KAZN: variants seen among roughly 807,000 people sequenced by gnomAD.
KAZN encodes kazrin.
A neutral mutation model predicts 87.4 loss-of-function variants in KAZN; 40 were observed. That is an observed-to-expected ratio of 0.46 (90% CI 0.36 to 0.60). The LOEUF is 0.60. Among genes scored for constraint, KAZN ranks in the 20% least tolerant of loss-of-function variants. KAZN has a pLI of 0.00. For synonymous variants in KAZN, 466 were observed against 458.3 expected (o/e 1.02, Z -0.22); for missense variants, 898 against 1,073.9 (o/e 0.84, Z 2.29).
At chr1:14,845,114 T>C (rs1399793354) in intron 1 of KAZN, among the ~76,000 whole-genome samples, 2 of 151,538 alleles carry the variant, frequency 1.3e-5, no homozygotes, top group Non-Finnish European at 2.9e-5. Context: ...GCTGGATGGA[T>C]GGGTGAGTGG....
chr1:14,493,161 T>C (rs1448265972), intron 2 of KAZN, among the ~76,000 whole-genome samples: 1 of 151,040 alleles, frequency 6.6e-6, no homozygotes, highest in Non-Finnish European at 1.5e-5. Context: ...CTTGTTTTAT[T>C]CTGCCTCGGG....
intron 2 of KAZN, among the ~76,000 whole-genome samples, chr1:14,496,045 A>G: frequency 6.6e-6 from 1 of 152,120 alleles, no homozygotes; most frequent in Non-Finnish European, 1.5e-5. Flanking sequence ...AGTTTATTAG[A>G]CAGGATTTTT....
intron 2 of KAZN, among the ~76,000 whole-genome samples, chr1:14,453,801 A>T (rs1044523871): frequency 5.3e-5 from 8 of 152,028 alleles, no homozygotes; most frequent in African/African-American, 1.9e-4. Context: ...GCACCACTGC[A>T]CTCCAGCCTG....
rs184431220 is a variant in KAZN at position 14,352,590 on chromosome 1, C to T, written c.249+171998C>T. Among the ~76,000 whole-genome samples the T allele has an allele frequency of 3.3e-3, 510 of 152,244 alleles. 2 individuals carry two copies. The highest frequency in any genetic ancestry group is 0.012 in the African/African-American group (481 of 41,554). Reference sequence around the variant, plus strand: ...ACTTTTCACATATTATGACCAGAAACAATTTGCTCATATATTCTTTCATCC... The same window carrying T: ...ACTTTTCACATATTATGACCAGAAATAATTTGCTCATATATTCTTTCATCC... On this transcript the variant is annotated intron_variant, in intron 2 of 16. Coordinates refer to the KAZN transcript ENST00000636203.
At chr1:14,936,021 C>A (rs550297158) in intron 1 of KAZN, among the ~76,000 whole-genome samples, 1 of 152,358 alleles carries the variant, frequency 6.6e-6, no homozygotes, top group Non-Finnish European at 1.5e-5. Context: ...CCCTTGGGGA[C>A]GCCTGGACGA....
intron 2 of KAZN, among the ~76,000 whole-genome samples, chr1:14,373,120 G>A (rs1660635503): frequency 6.6e-6 from 1 of 151,872 alleles, no homozygotes; most frequent in African/African-American, 2.4e-5. Flanking sequence ...ACTGAACAAG[G>A]ACTGTAAGAG....
intron 1 of KAZN, among the ~76,000 whole-genome samples, chr1:14,028,110 C>G (rs544083230): frequency 7.9e-5 from 12 of 152,244 alleles, no homozygotes; most frequent in African/African-American, 2.9e-4. Context: ...TAGCTTCTGT[C>G]CCCCCAAACT....
intron 1 of KAZN, chr1:14,924,443 G>A (rs1256012192): frequency 1.8e-4 from 178 of 988,504 alleles, no homozygotes; most frequent in Non-Finnish European, 2.1e-4. Context: ...TTCCTGCGGG[G>A]CGGGGGCCGG....
intron 1 of KAZN, among the ~76,000 whole-genome samples, chr1:14,724,069 C>T (rs1272303562): frequency 1.3e-5 from 2 of 152,322 alleles, no homozygotes; most frequent in South Asian, 4.1e-4. Flanking sequence ...TTTACAACAA[C>T]AACGTGATTT....
chr1:15,003,035 A>C (rs996548290), intron 2 of KAZN, among the ~76,000 whole-genome samples: 6 of 142,658 alleles, frequency 4.2e-5, no homozygotes, highest in Non-Finnish European at 7.8e-5. Flanking sequence ...CACACACACA[A>C]AATTGAGGGT....
At chr1:15,041,222 A>G (rs1672862162) in intron 3 of KAZN, among the ~76,000 whole-genome samples, 1 of 150,874 alleles carries the variant, frequency 6.6e-6, no homozygotes, top group African/African-American at 2.4e-5. Context: ...TCCACCTCCC[A>G]AAGTGCTGGG....
intron 2 of KAZN, among the ~76,000 whole-genome samples, chr1:14,543,944 A>G (rs1229983605): frequency 6.6e-6 from 1 of 152,230 alleles, no homozygotes; most frequent in African/African-American, 2.4e-5. Flanking sequence ...TTTGTTGCCT[A>G]TTAAGACAAT....
At chr1:14,474,089 T>G (rs537160278) in intron 2 of KAZN, among the ~76,000 whole-genome samples, 1 of 152,366 alleles carries the variant, frequency 6.6e-6, no homozygotes, top group South Asian at 2.1e-4. Flanking sequence ...GGACTATGTC[T>G]GTCTTGTTCT....
chr1:14,797,843 T>G (rs1217797999), intron 1 of KAZN, among the ~76,000 whole-genome samples: 1 of 152,140 alleles, frequency 6.6e-6, no homozygotes, highest in East Asian at 1.9e-4. Flanking sequence ...AATGAAATAG[T>G]CCTTGTGGAG....
chr1:13,985,911 G>C (rs1638994103), intron 1 of KAZN, among the ~76,000 whole-genome samples: 1 of 152,118 alleles, frequency 6.6e-6, no homozygotes, highest in Admixed American at 6.5e-5. Flanking sequence ...ACCATATGTT[G>C]TTTATCCATC....
chr1:14,795,816 T>A (rs1213282213), intron 1 of KAZN, among the ~76,000 whole-genome samples: 1 of 152,188 alleles, frequency 6.6e-6, no homozygotes, highest in Middle Eastern at 3.2e-3. Context: ...GCACATGCTG[T>A]TGCCTTGGCT....
chr1:14,393,678 G>A (rs1377509764), intron 2 of KAZN, among the ~76,000 whole-genome samples: 1 of 151,898 alleles, frequency 6.6e-6, no homozygotes, highest in Non-Finnish European at 1.5e-5. Flanking sequence ...AGTACCCCAG[G>A]ATTATATTGC....
At chr1:13,921,665 GC>G (rs1336175063) in intron 1 of KAZN, among the ~76,000 whole-genome samples, 1 of 151,328 alleles carries the variant, frequency 6.6e-6, no homozygotes, top group Non-Finnish European at 1.5e-5. Flanking sequence ...TTGCTCTGTT[GC>G]CCAGGCTGGA....
intron 1 of KAZN, among the ~76,000 whole-genome samples, chr1:14,845,031 G>A (rs558019606): frequency 6.6e-6 from 1 of 151,964 alleles, no homozygotes; most frequent in Non-Finnish European, 1.5e-5. Context: ...TGGGTGAGTA[G>A]TTGGATGAGT....
Sources: gnomAD v4.1 joint callset for allele counts (sites outside exome capture counted in the v4.1 genomes callset) on GRCh38, gnomAD v4.1.1 for gene constraint, MANE v1.5 for transcripts, NCBI Gene and HGNC (gene_info 2026-07-23, HGNC 2026-07-21) for gene names.